Variants in COL23A1 observed in about 807,000 individuals in gnomAD.
COL23A1 encodes collagen type XXIII alpha 1 chain, also known as collagen alpha-1(XXIII) chain.
Under a neutral mutation model 99.3 loss-of-function variants are expected in COL23A1, and 97 were observed. The ratio of observed to expected loss-of-function variants is 0.98; its 90% CI spans 0.83 to 1.16. COL23A1 has a LOEUF of 1.16. Ranked by LOEUF, COL23A1 falls within the 50% of genes most tolerant of loss-of-function variation. The pLI, the probability that COL23A1 is intolerant of heterozygous loss-of-function variation, is 0.00. For synonymous variants in COL23A1, 320 were observed against 308.2 expected (o/e 1.04, Z -0.40); for missense variants, 762 against 757.4 (o/e 1.01, Z -0.07).
Position 178,304,338 on chromosome 5 carries a change from C to T in COL23A1, c.406+2537G>A, listed in dbSNP as rs561823858. On this transcript the variant is annotated intron_variant, in intron 3 of 28. Coordinates refer to ENST00000390654, the MANE Select transcript of COL23A1 (RefSeq NM_173465.4). ...AGCCTGGCCAACGTGGTGAAATCCC[C>T]CGTCTCTATTAAAAATACAAAAATT... is the stretch of plus-strand genomic sequence containing the variant. Among the ~76,000 whole-genome samples the T allele has an allele frequency of 5.9e-5, 9 of 152,146 alleles. No individual in the cohort carries two copies. In the South Asian group the frequency reaches 1.5e-3, roughly 25 times the overall value.
chr5:178,437,470 G>A (rs1766622269), intron 2 of COL23A1, among the ~76,000 whole-genome samples: 1 of 152,192 alleles, frequency 6.6e-6, no homozygotes, highest in Non-Finnish European at 1.5e-5. Flanking sequence ...CCCAGCAGGA[G>A]CCTCCCATGC....
chr5:178,522,446 C>T (rs1415051966), intron 2 of COL23A1, among the ~76,000 whole-genome samples: 2 of 152,148 alleles, frequency 1.3e-5, no homozygotes, highest in Admixed American at 6.5e-5. Flanking sequence ...GGGAATAACT[C>T]GCCACGCTTC....
At position 178,561,316 on chromosome 5, in the gene COL23A1, G is replaced by C. The variant is rs535679293; in HGVS notation, c.295-568C>G. Among the ~76,000 whole-genome samples, 15 of 152,254 alleles carry C rather than the reference G, an allele frequency of 9.9e-5. No homozygotes were observed. The South Asian group carries it at 2.3e-3, about 23-fold the overall frequency. On this transcript the variant is annotated intron_variant, in intron 1 of 28. Transcript: ENST00000390654. ...CATTTTCCTTTCCTCTTACCAGTGG[G>C]GATCCTTGGCCTAGAAAATTTGGTT...
At chr5:178,318,099 T>C (rs1260943071) in intron 2 of COL23A1, among the ~76,000 whole-genome samples, 2 of 152,166 alleles carry the variant, frequency 1.3e-5, no homozygotes, top group Admixed American at 1.3e-4. Flanking sequence ...GGTAGATCAT[T>C]CAACTGTTGC....
At chr5:178,383,213 CT>C (rs147988379) in intron 2 of COL23A1, among the ~76,000 whole-genome samples, 6,221 of 152,054 alleles carry the variant, frequency 0.041, 161 homozygotes, top group South Asian at 0.071. Flanking sequence ...TTCCTAGGTG[CT>C]GCGGCTACTG....
chr5:178,452,117 A>G (rs1415084609), intron 2 of COL23A1, among the ~76,000 whole-genome samples: 1 of 152,180 alleles, frequency 6.6e-6, no homozygotes, highest in Non-Finnish European at 1.5e-5. Flanking sequence ...GATGTATTAT[A>G]AAGTCTAGGT....
intron 3 of COL23A1, among the ~76,000 whole-genome samples, chr5:178,302,090 G>C (rs1266578559): frequency 7.3e-6 from 1 of 137,480 alleles, no homozygotes; most frequent in Non-Finnish European, 1.5e-5. Flanking sequence ...GTGTGTGCCG[G>C]AGCACGGCTT....
intron 2 of COL23A1, among the ~76,000 whole-genome samples, chr5:178,422,778 G>T (rs1282554621): frequency 1.3e-5 from 2 of 152,088 alleles, no homozygotes; most frequent in East Asian, 3.8e-4. Flanking sequence ...ATACAGTTAG[G>T]ATAAATTACC....
At chr5:178,557,902 G>A (rs1442051267) in intron 2 of COL23A1, among the ~76,000 whole-genome samples, 1 of 152,074 alleles carries the variant, frequency 6.6e-6, no homozygotes, top group African/African-American at 2.4e-5. Context: ...AGGAGAGAAA[G>A]TGCAGGCATG....
chr5:178,333,115 G>A (rs1760125568), intron 2 of COL23A1, among the ~76,000 whole-genome samples: 2 of 152,076 alleles, frequency 1.3e-5, no homozygotes, highest in South Asian at 4.1e-4. Context: ...CTGCCACCGT[G>A]CCCAGCTAAT....
At chr5:178,427,603 T>C (rs10063674) in intron 2 of COL23A1, among the ~76,000 whole-genome samples, 38,629 of 152,186 alleles carry the variant, frequency 0.25, 7,572 homozygotes, top group African/African-American at 0.55. Flanking sequence ...TATTTAGCAC[T>C]GAATAATATT....
At chr5:178,447,098 A>AT (rs398065445) in intron 2 of COL23A1, among the ~76,000 whole-genome samples, 4,096 of 148,100 alleles carry the variant, frequency 0.028, 193 homozygotes, top group African/African-American at 0.094. Context: ...TTTTATTATT[A>AT]TTTTTTTTTT....
chr5:178,240,442 A>G (rs2127521629), intron 27 of COL23A1, among the ~76,000 whole-genome samples: 1 of 152,290 alleles, frequency 6.6e-6, no homozygotes, highest in African/African-American at 2.4e-5. Context: ...CACGGCACAC[A>G]GCAGGCCAGG....
rs746295532 is a variant in COL23A1, at chr5:178,249,683, A to AACACACACAC, written c.1059+368_1059+377dup. Among the ~76,000 whole-genome samples, 496 of 118,244 alleles carry AACACACACAC rather than the reference A, an allele frequency of 4.2e-3. 10 individuals carry two copies. The highest frequency in any genetic ancestry group is 0.019 in the African/African-American group (437 of 23,454). 77.6% of individuals were successfully genotyped at this position (118,244 alleles called of 152,430 possible). A position where few individuals can be genotyped will look rare whatever the true frequency, so the allele number is the denominator to read the frequency against. ...GAATATGCTTACGTCTGTATAGGAT[A>AACACACACAC]ACACACACACACACACACACACACA... On this transcript the variant is annotated intron_variant, in intron 18 of 28. Coordinates refer to ENST00000390654, the MANE Select transcript of COL23A1 (RefSeq NM_173465.4).
chr5:178,576,016 CGA>C (rs1250243040), intron 1 of COL23A1, among the ~76,000 whole-genome samples: 1 of 152,204 alleles, frequency 6.6e-6, no homozygotes, highest in Non-Finnish European at 1.5e-5. Flanking sequence ...ACAGTGATGT[CGA>C]GAGGGGCTCG....
At chr5:178,430,815 A>G (rs1318751669) in intron 2 of COL23A1, among the ~76,000 whole-genome samples, 1 of 152,168 alleles carries the variant, frequency 6.6e-6, no homozygotes, top group African/African-American at 2.4e-5. Context: ...TCTCCCAGCC[A>G]TGCATAGGTG....
intron 3 of COL23A1, among the ~76,000 whole-genome samples, chr5:178,298,492 CAGG>C (rs1320289830): frequency 6.6e-6 from 1 of 152,190 alleles, no homozygotes; most frequent in African/African-American, 2.4e-5. Flanking sequence ...GCCTACACAC[CAGG>C]AGGTGAGGGC....
intron 2 of COL23A1, among the ~76,000 whole-genome samples, chr5:178,401,552 A>G (rs1764451051): frequency 6.6e-6 from 1 of 152,202 alleles, no homozygotes; most frequent in Non-Finnish European, 1.5e-5. Flanking sequence ...TTCTTTACCC[A>G]TTCTCCATTT....
At chr5:178,513,899 G>T (rs533051876) in intron 2 of COL23A1, among the ~76,000 whole-genome samples, 1 of 151,904 alleles carries the variant, frequency 6.6e-6, no homozygotes, top group South Asian at 2.1e-4. Flanking sequence ...TAACATATAT[G>T]TAAGATTAAA....
Sources: gnomAD v4.1 joint callset for allele counts (sites outside exome capture counted in the v4.1 genomes callset) on GRCh38, gnomAD v4.1.1 for gene constraint, MANE v1.5 for transcripts, NCBI Gene and HGNC (gene_info 2026-07-23, HGNC 2026-07-21) for gene names.